The following HPSE2 variants were observed in gnomAD, a reference collection of about 807,000 sequenced individuals.
The protein encoded by HPSE2 is heparanase 2 (inactive).
Under a neutral mutation model 60.5 loss-of-function variants are expected in HPSE2, and 38 were observed. The observed-to-expected ratio is 0.63, with a 90% CI of 0.48 to 0.82. The LOEUF (loss-of-function observed/expected upper bound fraction) is 0.82. Ranked by LOEUF, HPSE2 falls within the 40% of genes least tolerant of loss-of-function variation. HPSE2 has a pLI of 0.00. For missense variants in HPSE2, 713 were observed against 740.4 expected, an observed-to-expected ratio of 0.96 and a Z score of 0.43; for synonymous variants, 295 against 293.2, an observed-to-expected ratio of 1.01 and a Z score of -0.06.
intron 3 of HPSE2, among the ~76,000 whole-genome samples, chr10:98,777,034 TAA>T (rs1411516917): frequency 1.3e-5 from 2 of 152,324 alleles, no homozygotes; most frequent in Non-Finnish European, 1.5e-5. Context: ...CATTTCTGTT[TAA>T]AAGTTTTCAA....
intron 9 of HPSE2, among the ~76,000 whole-genome samples, chr10:98,595,320 C>T (rs924761101): frequency 6.6e-6 from 1 of 151,938 alleles, no homozygotes; most frequent in Admixed American, 6.5e-5. Flanking sequence ...CAGATGCCCA[C>T]CACCACACCT....
intron 7 of HPSE2, among the ~76,000 whole-genome samples, chr10:98,623,747 T>C (rs1946132808): frequency 6.6e-6 from 1 of 152,184 alleles, no homozygotes; most frequent in Non-Finnish European, 1.5e-5. Context: ...TAAAATGTGT[T>C]AGTATTTTAT....
the HPSE2 span, among the ~76,000 whole-genome samples, chr10:99,275,135 C>T: frequency 6.6e-6 from 1 of 152,162 alleles, no homozygotes; most frequent in African/African-American, 2.4e-5. Context: ...CCCCCAAATC[C>T]AGTATTAGTT....
the HPSE2 span, among the ~76,000 whole-genome samples, chr10:99,253,894 A>C: frequency 6.6e-6 from 1 of 152,312 alleles, no homozygotes; most frequent in South Asian, 2.1e-4. Context: ...ATGCAAATAA[A>C]ACCACAATGA....
chr10:98,949,991 A>G (rs762678674), intron 3 of HPSE2, among the ~76,000 whole-genome samples: 4 of 152,226 alleles, frequency 2.6e-5, no homozygotes, highest in Non-Finnish European at 5.9e-5. Flanking sequence ...GTTAGGAAAC[A>G]AAACTCTTGA....
chr10:98,884,637 T>C (rs1391248265), intron 3 of HPSE2, among the ~76,000 whole-genome samples: 1 of 152,182 alleles, frequency 6.6e-6, no homozygotes, highest in African/African-American at 2.4e-5. Flanking sequence ...CAGCATGGTT[T>C]ACTCTAGCAG....
At chr10:98,791,048 T>C (rs1292627570) in intron 3 of HPSE2, among the ~76,000 whole-genome samples, 1 of 152,216 alleles carries the variant, frequency 6.6e-6, no homozygotes. Context: ...TAGTTCCTTC[T>C]TTTTCTGAGT....
intron 3 of HPSE2, among the ~76,000 whole-genome samples, chr10:99,080,036 C>T (rs1373084157): frequency 6.6e-6 from 1 of 152,058 alleles, no homozygotes; most frequent in Admixed American, 6.5e-5. Context: ...ATTTCAATAC[C>T]AGTTTTAATG....
At chr10:99,121,217 CACTT>C (rs1213864151) in intron 3 of HPSE2, among the ~76,000 whole-genome samples, 3 of 152,130 alleles carry the variant, frequency 2.0e-5, no homozygotes, top group Admixed American at 6.5e-5. Flanking sequence ...TGCATGCTCT[CACTT>C]ACAAGTGGGA....
At chr10:98,738,156 A>G (rs562935836) in intron 4 of HPSE2, among the ~76,000 whole-genome samples, 34 of 152,310 alleles carry the variant, frequency 2.2e-4, no homozygotes, top group African/African-American at 8.2e-4. Context: ...GGAACAGAAC[A>G]GAGGCCTCAG....
At chr10:99,241,672 T>C in the HPSE2 span, among the ~76,000 whole-genome samples, 1 of 152,046 alleles carries the variant, frequency 6.6e-6, no homozygotes, top group Non-Finnish European at 1.5e-5. Flanking sequence ...GTGGGAAGAA[T>C]CACTAAAGCC....
At chr10:99,061,897 T>C (rs954143652) in intron 3 of HPSE2, among the ~76,000 whole-genome samples, 7 of 152,158 alleles carry the variant, frequency 4.6e-5, no homozygotes, top group Non-Finnish European at 1.0e-4. Flanking sequence ...ATTGGGGAGA[T>C]AATTTTGGTT....
At chr10:98,547,818 AAGAAT>A (rs1304481948) in intron 9 of HPSE2, among the ~76,000 whole-genome samples, 3 of 151,924 alleles carry the variant, frequency 2.0e-5, no homozygotes, top group African/African-American at 4.8e-5. Flanking sequence ...TAATAAAAAA[AAGAAT>A]AGAACACAAA....
At chr10:98,638,195 C>T (rs1946548710) in intron 7 of HPSE2, among the ~76,000 whole-genome samples, 1 of 147,920 alleles carries the variant, frequency 6.8e-6, no homozygotes, top group South Asian at 2.1e-4. Context: ...CCTGTAATCC[C>T]AGCACTTTGG....
the HPSE2 span, among the ~76,000 whole-genome samples, chr10:99,279,321 T>C: frequency 6.6e-6 from 1 of 152,216 alleles, no homozygotes; most frequent in Non-Finnish European, 1.5e-5. Flanking sequence ...AGGATGATGC[T>C]GGATTTTTGG....
intron 4 of HPSE2, among the ~76,000 whole-genome samples, chr10:98,726,376 A>G (rs1187410336): frequency 6.6e-6 from 1 of 151,598 alleles, no homozygotes; most frequent in Non-Finnish European, 1.5e-5. Flanking sequence ...TCAGTAAACT[A>G]TGACAAGGAC....
rs34940128 is a variant in HPSE2 at position 99,072,025 on chromosome 10, G to GTT, written c.610+72211_610+72212dup. ...AAGTGGATTGCCTCTAACTTTGTTT[G>GTT]TTTTTTTTTTTTTAATTGTTTTGGT... On this transcript the variant is annotated intron_variant, in intron 3 of 11. Coordinates refer to ENST00000370552, the MANE Select transcript of HPSE2 (RefSeq NM_021828.5). 9.9e-3 allele frequency among the ~76,000 whole-genome samples: 1,439 copies of GTT among 145,760 alleles called. 8 individuals are homozygous for GTT. Among genetic ancestry groups the GTT allele is most frequent in the African/African-American group, 0.016 (637 of 38,664 alleles).
At chr10:99,162,380 T>C (rs929195759) in intron 2 of HPSE2, among the ~76,000 whole-genome samples, 1 of 152,190 alleles carries the variant, frequency 6.6e-6, no homozygotes, top group African/African-American at 2.4e-5. Context: ...ATATTAAAAC[T>C]TGGATAGAAT....
intron 3 of HPSE2, among the ~76,000 whole-genome samples, chr10:99,064,947 T>C (rs1021824345): frequency 6.6e-6 from 1 of 152,110 alleles, no homozygotes; most frequent in African/African-American, 2.4e-5. Flanking sequence ...GTAAATTTTT[T>C]CCTCCTCTAC....
Sources: allele counts gnomAD v4.1 joint callset (sites outside exome capture counted in the v4.1 genomes callset), GRCh38; gene constraint gnomAD v4.1.1; transcripts MANE v1.5; gene names NCBI Gene and HGNC (gene_info 2026-07-23, HGNC 2026-07-21).